The following SERPINB5 variants were observed in gnomAD, a reference collection of about 807,000 sequenced individuals.
SERPINB5 encodes the protein serpin family B member 5.
SERPINB5 carries 27 observed loss-of-function variants against 32.2 expected under a neutral mutation model. That is an observed-to-expected ratio of 0.84 (90% CI 0.62 to 1.16). The LOEUF (loss-of-function observed/expected upper bound fraction) is 1.16, where lower values mean the gene tolerates loss of function less well. Among genes scored for constraint, SERPINB5 ranks in the 50% most tolerant of loss-of-function variants. The pLI is 0.00. For synonymous variants in SERPINB5, 154 were observed against 157.4 expected (o/e 0.98, Z 0.16); for missense variants, 388 against 436.3 (o/e 0.89, Z 0.99).
intron 5 of SERPINB5, among the ~76,000 whole-genome samples, chr18:63,494,321 C>CA (rs372412366): frequency 0.45 from 20,655 of 46,266 alleles, 5,029 homozygotes; most frequent in Non-Finnish European, 0.59. Context: ...GACTCCATCT[C>CA]AAAAAAAAAA....
intron 6 of SERPINB5, among the ~76,000 whole-genome samples, chr18:63,502,090 C>T (rs1909581148): frequency 6.6e-6 from 1 of 150,564 alleles, no homozygotes; most frequent in African/African-American, 2.4e-5. Flanking sequence ...TTATTTTCTT[C>T]TTAAAGTATA....
At position 63,503,809 on chromosome 18, in the gene SERPINB5, T is replaced by TA. The variant is rs1280487049; in HGVS notation, c.*88dup. 2.2e-6 allele frequency: 3 copies of TA among 1,349,994 alleles called. No individual in the cohort carries two copies. Among genetic ancestry groups the TA allele is most frequent in the Non-Finnish European group, 3.1e-6 (3 of 964,316 alleles). The allele number at this position is 1,349,994 out of a possible 1,614,324, so 83.6% of individuals were successfully genotyped here. A position where few individuals can be genotyped will look rare whatever the true frequency, so the allele number is the denominator to read the frequency against. On this transcript the variant is annotated 3_prime_UTR_variant, in exon 7 of 7. Transcript: ENST00000382771. ...TGCATCCAGAGATTCATTTTCTAGA[T>TA]ACAATAAATTGCTAATGTTGCTGGA...
intron 3 of SERPINB5, among the ~76,000 whole-genome samples, chr18:63,488,081 A>C (rs1917242392): frequency 6.6e-6 from 1 of 152,134 alleles, no homozygotes; most frequent in Non-Finnish European, 1.5e-5. Context: ...AGCTCCCTAA[A>C]TGATCATTAA....
rs115118643 is a variant in SERPINB5, at chr18:63,502,809, A to G, written c.736-521A>G. On this transcript the variant is annotated intron_variant, in intron 6 of 6. Coordinates refer to ENST00000382771, the MANE Select transcript of SERPINB5 (RefSeq NM_002639.5). ...TGAGGCTGGCACATCACTTGAAGCC[A>G]GGAGTTTGAGACCAGCTTGGCCAAC... Among the ~76,000 whole-genome samples the G allele has an allele frequency of 6.8e-3, 1,033 of 152,246 alleles. 10 individuals are homozygous for G. The highest frequency in any genetic ancestry group is 0.024 in the African/African-American group (996 of 41,532).
rs1490813800 is a variant in SERPINB5, at chr18:63,503,875, A to T, written c.*153A>T. The T allele has an allele frequency of 2.8e-5, 19 of 677,658 alleles. No individual in the cohort carries two copies. Among genetic ancestry groups the T allele is most frequent in the Non-Finnish European group, 2.4e-6 (1 of 410,362 alleles). 42.0% of individuals were successfully genotyped at this position (677,658 alleles called of 1,614,324 possible). ...TACTTGTCATATGTAGCCTTCACAC[A>T]GATAGACCTTTTTTTTTTTTCCAAT... On this transcript the variant is annotated 3_prime_UTR_variant, in exon 7 of 7. Coordinates refer to ENST00000382771, the MANE Select transcript of SERPINB5 (RefSeq NM_002639.5).
rs193111224 is a variant in SERPINB5, at chr18:63,482,764, A to G, written c.-7-1658A>G. On this transcript the variant is annotated intron_variant, in intron 1 of 6. Coordinates refer to ENST00000382771, the MANE Select transcript of SERPINB5 (RefSeq NM_002639.5). The stretch of plus-strand genomic sequence containing the variant: ...AAAAATGTAGATTATATCTATCACT[A>G]TTTACCAAACTAGAAATGAAAACCA... Among the ~76,000 whole-genome samples the G allele has an allele frequency of 3.6e-3, 549 of 151,344 alleles. 1 individual carries two copies. The highest frequency in any genetic ancestry group is 0.013 in the African/African-American group (537 of 40,790).
intron 3 of SERPINB5, among the ~76,000 whole-genome samples, chr18:63,488,239 A>G (rs1266916877): frequency 6.6e-6 from 1 of 152,210 alleles, no homozygotes; most frequent in African/African-American, 2.4e-5. Context: ...CAATTAACTG[A>G]AGCTAAGTTA....
chr18:63,491,297 G>A (rs1398937037), intron 4 of SERPINB5, among the ~76,000 whole-genome samples: 3 of 150,486 alleles, frequency 2.0e-5, no homozygotes, highest in Non-Finnish European at 4.4e-5. Flanking sequence ...AGCTACTTGG[G>A]AGGCTGAGGC....
At chr18:63,478,758 G>GTTTTTTTTTTTTTTTTTTTTTTT (rs10669993) in intron 1 of SERPINB5, among the ~76,000 whole-genome samples, 2 of 135,382 alleles carry the variant, frequency 1.5e-5, no homozygotes, top group African/African-American at 2.8e-5. Context: ...TAAAAACGTA[G>GTTTTTTTTTTTTTTTTTTTTTTT]TTTTTTTTTT....
chr18:63,492,667 G>T (rs1909365254), intron 4 of SERPINB5, among the ~76,000 whole-genome samples: 1 of 152,186 alleles, frequency 6.6e-6, no homozygotes, highest in Non-Finnish European at 1.5e-5. Flanking sequence ...CTTGTATACT[G>T]CCTGACACAG....
At chr18:63,494,576 T>G (rs1909410079) in intron 5 of SERPINB5, among the ~76,000 whole-genome samples, 2 of 152,192 alleles carry the variant, frequency 1.3e-5, no homozygotes, top group African/African-American at 4.8e-5. Context: ...CTTCTCCCAG[T>G]AGTTAGAGTA....
chr18:63,486,827 C>A, intron 2 of SERPINB5, 119 bp from the exon 3 acceptor site: 2 of 1,004,424 alleles, frequency 2.0e-6, no homozygotes, highest in Non-Finnish European at 3.0e-6. Context: ...CCTTACTTTA[C>A]GGGAACTAGG....
chr18:63,503,266 T>A, intron 6 of SERPINB5, 64 bp from the exon 7 acceptor site: 1 of 1,504,924 alleles, frequency 6.6e-7, no homozygotes, highest in Non-Finnish European at 8.9e-7. Flanking sequence ...ATGTTTTCAA[T>A]TGAGCCAGGT....
intron 5 of SERPINB5, among the ~76,000 whole-genome samples, chr18:63,494,204 C>T (rs1205130122): frequency 6.6e-6 from 1 of 151,628 alleles, no homozygotes; most frequent in African/African-American, 2.4e-5. Context: ...TGCCTGTAAT[C>T]CCAGCTGCTC....
In SERPINB5 at chr18:63,498,853, A is replaced by G. The variant is rs1909505950; in HGVS notation, c.568-267A>G. ...GGGTATATATATATAGTATGTATAT[A>G]TAAGTGTGTATATATAGGTGTGTGT... is the stretch of plus-strand genomic sequence containing the variant. On this transcript the variant is annotated intron_variant, in intron 5 of 6. Coordinates refer to ENST00000382771, the MANE Select transcript of SERPINB5 (RefSeq NM_002639.5). The surrounding 1 kb of genome is among the most constrained non-coding windows in gnomAD (Gnocchi z 4.2). 9.8e-6 allele frequency among the ~76,000 whole-genome samples: 1 copy of G among 102,148 alleles called. No individual in the cohort carries two copies. The highest frequency in any genetic ancestry group is 2.6e-4 in the South Asian group (1 of 3,912). The allele number at this position is 102,148 out of a possible 152,430, so 67.0% of individuals were successfully genotyped here. A position where few individuals can be genotyped will look rare whatever the true frequency, so the allele number is the denominator to read the frequency against.
At chr18:63,484,636 C>T in intron 2 of SERPINB5, 40 bp downstream of exon 2, 1 of 1,550,444 alleles carries the variant, frequency 6.4e-7, no homozygotes, top group Non-Finnish European at 8.7e-7. Context: ...AGTGGGAATA[C>T]AGTTATTAGA....
chr18:63,477,268 G>A (rs1007660234), intron 1 of SERPINB5: 6 of 152,106 alleles, frequency 3.9e-5, no homozygotes, highest in African/African-American at 7.3e-5. Flanking sequence ...ACTGCAGAGG[G>A]AGTAAAATCA....
At chr18:63,491,855 T>C (rs540094052) in intron 4 of SERPINB5, among the ~76,000 whole-genome samples, 1 of 152,342 alleles carries the variant, frequency 6.6e-6, no homozygotes, top group Admixed American at 6.5e-5. Context: ...CACACTTCTT[T>C]GTTCTTCAGG....
intron 4 of SERPINB5, among the ~76,000 whole-genome samples, chr18:63,490,084 C>T (rs1909293911): frequency 6.6e-6 from 1 of 151,984 alleles, no homozygotes; most frequent in Non-Finnish European, 1.5e-5. Flanking sequence ...CCCAGCTACT[C>T]GGGAGGCTGA....
Sources: gnomAD v4.1 joint callset for allele counts (sites outside exome capture counted in the v4.1 genomes callset) on GRCh38, gnomAD v4.1.1 for gene constraint, Gnocchi (gnomAD v3.1) non-coding constraint, MANE v1.5 for transcripts, NCBI Gene and HGNC (gene_info 2026-07-23, HGNC 2026-07-21) for gene names.